Variants in COL14A1 observed in about 807,000 individuals in gnomAD.
COL14A1 encodes the protein collagen alpha-1(XIV) chain.
Under a neutral mutation model 230.3 loss-of-function variants are expected in COL14A1, and 136 were observed. The ratio of observed to expected loss-of-function variants is 0.59; its 90% confidence interval spans 0.51 to 0.68. COL14A1 has a LOEUF of 0.68. Ranked by LOEUF, COL14A1 falls within the 30% of genes least tolerant of loss-of-function variation. The pLI, the probability that COL14A1 is intolerant of heterozygous loss-of-function variation, is 0.00. For synonymous variants in COL14A1, 792 were observed against 784.1 expected (o/e 1.01, Z -0.17); for missense variants, 1,976 against 2,215.8 (o/e 0.89, Z 2.17).
chr8:120,334,588 ACAC>A lies in COL14A1; in HGVS notation c.4785+1854_4785+1856del, dbSNP rs1563743717. Among the ~76,000 whole-genome samples, 65 of 131,908 alleles carry A rather than the reference ACAC, an allele frequency of 4.9e-4. No homozygotes were observed. In the Middle Eastern group the frequency reaches 0.018, roughly 37 times the overall value. The allele number at this position is 131,908 out of a possible 152,430, so 86.5% of individuals were successfully genotyped here. ...AATGCATGCGTTCACACACAAAAAC[ACAC>A]ACACACACACACACACACACACACA... On this transcript the variant is annotated intron_variant, in intron 42 of 47. Transcript: ENST00000297848.
In COL14A1 at chr8:120,372,311, A is replaced by G. The variant is rs898949253; in HGVS notation, c.*1080A>G. Among the ~76,000 whole-genome samples the G allele has an allele frequency of 3.3e-5, 5 of 152,198 alleles. No homozygotes were observed. Among genetic ancestry groups the G allele is most frequent in the Non-Finnish European group, 2.9e-5 (2 of 68,038 alleles). On this transcript the variant is annotated 3_prime_UTR_variant, in exon 48 of 48. Transcript: ENST00000297848. ...CAAATGCATGACCTCTGCTAAATAA[A>G]TGTTTATCAATAGTTGACTGAGGAG...
At chr8:120,168,640 C>T (rs895314853) in intron 5 of COL14A1, among the ~76,000 whole-genome samples, 1 of 152,068 alleles carries the variant, frequency 6.6e-6, no homozygotes, top group Non-Finnish European at 1.5e-5. Flanking sequence ...ACTAGTTATC[C>T]GAATGTCTAT....
intron 44 of COL14A1, among the ~76,000 whole-genome samples, chr8:120,343,245 A>G (rs917495844): frequency 2.0e-5 from 3 of 152,140 alleles, no homozygotes; most frequent in African/African-American, 2.4e-5. Flanking sequence ...TTCCAGGAAT[A>G]TCTGAGGCCA....
At chr8:120,135,886 A>C (rs1814694186) in intron 1 of COL14A1, among the ~76,000 whole-genome samples, 1 of 152,056 alleles carries the variant, frequency 6.6e-6, no homozygotes, top group South Asian at 2.1e-4. Flanking sequence ...AAATAAATTT[A>C]AAATTTTTTT....
chr8:120,274,137 A>T (rs1356719642), intron 26 of COL14A1, among the ~76,000 whole-genome samples: 1 of 151,916 alleles, frequency 6.6e-6, no homozygotes, highest in Non-Finnish European at 1.5e-5. Flanking sequence ...CGCTGTGATC[A>T]GGTGGATGTC....
At chr8:120,128,640 C>T (rs1165823963) in intron 1 of COL14A1, among the ~76,000 whole-genome samples, 4 of 152,144 alleles carry the variant, frequency 2.6e-5, no homozygotes, top group Middle Eastern at 3.4e-3. Context: ...GAGGCTGAGG[C>T]GGGCATTGAG....
chr8:120,166,220 C>A (rs936224735), intron 4 of COL14A1, among the ~76,000 whole-genome samples: 1 of 152,132 alleles, frequency 6.6e-6, no homozygotes, highest in Non-Finnish European at 1.5e-5. Context: ...GGGCAGGGAG[C>A]AGTTGTTTAA....
At chr8:120,298,548 T>C (rs954151228) in intron 35 of COL14A1, among the ~76,000 whole-genome samples, 16 of 143,756 alleles carry the variant, frequency 1.1e-4, no homozygotes, top group Non-Finnish European at 2.4e-4. Flanking sequence ...ATTTTATTCC[T>C]ATATAAGCAT....
intron 36 of COL14A1, among the ~76,000 whole-genome samples, chr8:120,306,499 T>C (rs1310205811): frequency 6.6e-6 from 1 of 152,198 alleles, no homozygotes; most frequent in Non-Finnish European, 1.5e-5. Context: ...TAAATTCTGT[T>C]TGATGATTGA....
At chr8:120,185,419 C>A (rs1229580386) in intron 5 of COL14A1, among the ~76,000 whole-genome samples, 1 of 152,124 alleles carries the variant, frequency 6.6e-6, no homozygotes, top group African/African-American at 2.4e-5. Context: ...CTTTGGGAGG[C>A]CAGGGTTGCA....
intron 1 of COL14A1, among the ~76,000 whole-genome samples, chr8:120,145,452 C>G (rs989331756): frequency 6.6e-6 from 1 of 152,178 alleles, no homozygotes; most frequent in African/African-American, 2.4e-5. Flanking sequence ...AATCCCGTCT[C>G]TACTAAAAAT....
rs1819515099 is a variant in COL14A1 at position 120,266,818 on chromosome 8, C to G, written c.3017-9C>G. On this transcript the variant is annotated splice_polypyrimidine_tract_variant and intron_variant, in intron 24 of 47. Coordinates refer to ENST00000297848, the MANE Select transcript of COL14A1 (RefSeq NM_021110.4). Reference sequence around the variant, plus strand: ...GTGAACTGATGTCCTTTCTCCCTTTCCTTTACAGAATCACTTCCTACACGA... The same window carrying G: ...GTGAACTGATGTCCTTTCTCCCTTTGCTTTACAGAATCACTTCCTACACGA... 1 of 1,610,248 alleles carries G rather than the reference C, an allele frequency of 6.2e-7. No homozygotes were observed. Among genetic ancestry groups the G allele is most frequent in the Admixed American group, 1.7e-5 (1 of 59,918 alleles).
chr8:120,190,881 G>A (rs1211081967), intron 5 of COL14A1, among the ~76,000 whole-genome samples: 6 of 151,464 alleles, frequency 4.0e-5, no homozygotes, highest in Admixed American at 2.0e-4. Flanking sequence ...CTGTGGGATC[G>A]GTGGTGATAT....
intron 10 of COL14A1, 40 bp from the exon 11 acceptor site, chr8:120,208,192 A>G (rs2130752026): frequency 2.6e-6 from 4 of 1,538,718 alleles, no homozygotes; most frequent in East Asian, 2.3e-5. Flanking sequence ...TGCGTGTAAG[A>G]TATTCCATAC....
chr8:120,254,671 T>C (rs922322148), intron 22 of COL14A1, among the ~76,000 whole-genome samples: 1 of 152,032 alleles, frequency 6.6e-6, no homozygotes, highest in African/African-American at 2.4e-5. Flanking sequence ...TCTATCAATA[T>C]GCACTTCCTC....
chr8:120,334,503 A>C (rs981323470), intron 42 of COL14A1, among the ~76,000 whole-genome samples: 21 of 151,922 alleles, frequency 1.4e-4, no homozygotes, highest in Non-Finnish European at 1.5e-4. Flanking sequence ...AATGTGTTGC[A>C]AAGTATGATC....
At chr8:120,226,597 C>T (rs974131616) in intron 15 of COL14A1, 30 bp from the exon 16 acceptor site, 18 of 1,609,678 alleles carry the variant, frequency 1.1e-5, no homozygotes, top group Non-Finnish European at 1.5e-5. Context: ...TTCTCATTTC[C>T]CTAACAAAAC....
intron 40 of COL14A1, among the ~76,000 whole-genome samples, chr8:120,321,353 C>A (rs1367657431): frequency 6.6e-6 from 1 of 152,068 alleles, no homozygotes; most frequent in Non-Finnish European, 1.5e-5. Flanking sequence ...TCTAGAGATA[C>A]TTCTGGGCCA....
chr8:120,249,431 T>A (rs1818871724), intron 21 of COL14A1, among the ~76,000 whole-genome samples: 2 of 152,174 alleles, frequency 1.3e-5, no homozygotes. Flanking sequence ...GCTCATTCTC[T>A]GGGACCCATC....
Sources: gnomAD v4.1 joint callset for allele counts (sites outside exome capture counted in the v4.1 genomes callset) on GRCh38, gnomAD v4.1.1 for gene constraint, MANE v1.5 for transcripts, NCBI Gene and HGNC (gene_info 2026-07-23, HGNC 2026-07-21) for gene names.